Variants in PRMT3 observed in about 807,000 individuals in gnomAD.
PRMT3 encodes the protein protein arginine N-methyltransferase 3.
PRMT3 carries 62 observed loss-of-function variants against 71.9 expected under a neutral mutation model. The ratio of observed to expected loss-of-function variants is 0.86; its 90% CI spans 0.70 to 1.07. The LOEUF is 1.07. Among genes scored for constraint, PRMT3 ranks in the 50% least tolerant of loss-of-function variants. The pLI is 0.00. For synonymous variants in PRMT3, 213 were observed against 220.4 expected (o/e 0.97, Z 0.30); for missense variants, 663 against 643.0 (o/e 1.03, Z -0.34).
chr11:20,403,034 G>C, intron 8 of PRMT3, 50 bp downstream of exon 8: 9 of 1,353,716 alleles, frequency 6.6e-6, no homozygotes, highest in Non-Finnish European at 9.5e-6. Context: ...TTCTTGGGCA[G>C]TAGAAATCCT....
At chr11:20,467,686 C>T (rs1245690354) in intron 13 of PRMT3, among the ~76,000 whole-genome samples, 1 of 152,174 alleles carries the variant, frequency 6.6e-6, no homozygotes, top group Non-Finnish European at 1.5e-5. Flanking sequence ...ATCCTCTTTG[C>T]AGCAGATAGG....
rs1305196735 is a variant in PRMT3, at chr11:20,481,526, A to G, written c.1348-12393A>G. Among the ~76,000 whole-genome samples the G allele has an allele frequency of 2.6e-5, 4 of 152,122 alleles. No individual in the cohort carries two copies. The East Asian group carries it at 7.7e-4, about 29-fold the overall frequency. ...AGCCAAAGAAATGGTGATTTGTACC[A>G]TTGCTTAAAGAACGGGTTGTATTGA... is the stretch of plus-strand genomic sequence containing the variant. On this transcript the variant is annotated intron_variant, in intron 13 of 15. Coordinates refer to ENST00000331079, the MANE Select transcript of PRMT3 (RefSeq NM_005788.4).
At chr11:20,463,553 G>A (rs1177175563) in intron 12 of PRMT3, among the ~76,000 whole-genome samples, 1 of 142,890 alleles carries the variant, frequency 7.0e-6, no homozygotes, top group Non-Finnish European at 1.5e-5. Flanking sequence ...TGAAAATAAG[G>A]TGTTAAAAAG....
intron 12 of PRMT3, among the ~76,000 whole-genome samples, chr11:20,463,337 C>T (rs754653473): frequency 1.8e-4 from 27 of 152,148 alleles, no homozygotes; most frequent in Non-Finnish European, 3.5e-4. Context: ...GATGGTTATA[C>T]GACTTCAGTG....
chr11:20,453,042 T>C (rs1219641742), intron 11 of PRMT3, among the ~76,000 whole-genome samples: 1 of 152,176 alleles, frequency 6.6e-6, no homozygotes, highest in Non-Finnish European at 1.5e-5. Context: ...AATCAGTAAA[T>C]GGTTTCCATG....
chr11:20,504,707 T>TGTGAGAGAGAGAGAGA (rs1332372470), intron 15 of PRMT3, among the ~76,000 whole-genome samples: 131 of 133,630 alleles, frequency 9.8e-4, no homozygotes, highest in African/African-American at 3.6e-3. Flanking sequence ...TGTGTGTGTG[T>TGTGAGAGAGAGAGAGA]GAGAGAGAGA....
chr11:20,504,814 A>G (rs915675882), intron 15 of PRMT3, among the ~76,000 whole-genome samples: 3 of 151,794 alleles, frequency 2.0e-5, no homozygotes, highest in Admixed American at 6.6e-5. Flanking sequence ...GCTTACTGCA[A>G]CTGCCACCTC....
At chr11:20,452,377 G>A (rs1238264671) in intron 11 of PRMT3, among the ~76,000 whole-genome samples, 169 bp downstream of exon 11, 3 of 152,088 alleles carry the variant, frequency 2.0e-5, no homozygotes, top group Non-Finnish European at 4.4e-5. Context: ...GTTGAAAGTA[G>A]AATATTATAT....
At chr11:20,436,144 T>A (rs1403590019) in intron 10 of PRMT3, among the ~76,000 whole-genome samples, 1 of 152,248 alleles carries the variant, frequency 6.6e-6, no homozygotes, top group Admixed American at 6.5e-5. Flanking sequence ...ATGCTACTGA[T>A]TTTTGAATAT....
intron 15 of PRMT3, among the ~76,000 whole-genome samples, chr11:20,498,629 C>T (rs1055309951): frequency 2.0e-5 from 3 of 152,068 alleles, no homozygotes; most frequent in African/African-American, 7.2e-5. Context: ...ATTCGGGAGG[C>T]CGAGGCACAA....
intron 9 of PRMT3, among the ~76,000 whole-genome samples, chr11:20,412,094 G>T (rs1235016566): frequency 6.6e-6 from 1 of 152,114 alleles, no homozygotes. Flanking sequence ...TAATGACCAA[G>T]CTTGTACTCT....
At chr11:20,464,913 G>T (rs995394793) in intron 13 of PRMT3, among the ~76,000 whole-genome samples, 1 of 151,820 alleles carries the variant, frequency 6.6e-6, no homozygotes, top group Non-Finnish European at 1.5e-5. Context: ...TGTTTATTTG[G>T]TAGAATATTT....
At chr11:20,394,227 A>G (rs1215160515) in intron 5 of PRMT3, among the ~76,000 whole-genome samples, 1 of 152,224 alleles carries the variant, frequency 6.6e-6, no homozygotes, top group East Asian at 1.9e-4. Context: ...TTGATCCGAA[A>G]GTTAGATCAG....
At chr11:20,489,812 T>C (rs1851165375) in intron 13 of PRMT3, among the ~76,000 whole-genome samples, 1 of 151,244 alleles carries the variant, frequency 6.6e-6, no homozygotes, top group Non-Finnish European at 1.5e-5. Flanking sequence ...GTTAGTAGCA[T>C]GCAACTGTTG....
chr11:20,470,263 G>A (rs1850611694), intron 13 of PRMT3, among the ~76,000 whole-genome samples: 1 of 152,072 alleles, frequency 6.6e-6, no homozygotes, highest in Non-Finnish European at 1.5e-5. Context: ...TTTCAGTTCT[G>A]GGGTTCATGT....
At chr11:20,419,891 G>T (rs1164018937) in intron 9 of PRMT3, among the ~76,000 whole-genome samples, 1 of 152,190 alleles carries the variant, frequency 6.6e-6, no homozygotes, top group Non-Finnish European at 1.5e-5. Flanking sequence ...GGAAAGCTAG[G>T]CCAGGCACAG....
chr11:20,428,264 T>G (rs1849588471), intron 10 of PRMT3, among the ~76,000 whole-genome samples: 1 of 152,234 alleles, frequency 6.6e-6, no homozygotes. Context: ...AAAGCACATT[T>G]GAGGCATATA....
At chr11:20,437,596 G>T (rs6483686) in intron 10 of PRMT3, among the ~76,000 whole-genome samples, 135,561 of 151,340 alleles carry the variant, frequency 0.9, 61,790 homozygotes, top group Non-Finnish European at 0.99. Context: ...AGTTTTTTTT[G>T]TTGTTATTTT....
chr11:20,410,061 A>G (rs1849161740), intron 9 of PRMT3, among the ~76,000 whole-genome samples: 1 of 152,138 alleles, frequency 6.6e-6, no homozygotes, highest in African/African-American at 2.4e-5. Flanking sequence ...TCTTAACTCT[A>G]TGAAAGAAAT....
Sources: allele counts gnomAD v4.1 joint callset (sites outside exome capture counted in the v4.1 genomes callset), GRCh38; gene constraint gnomAD v4.1.1; transcripts MANE v1.5; gene names NCBI Gene and HGNC (gene_info 2026-07-23, HGNC 2026-07-21).